USP4: variants seen among roughly 807,000 people sequenced by gnomAD.
USP4 encodes ubiquitin specific peptidase 4, also known as ubiquitin carboxyl-terminal hydrolase 4.
A neutral mutation model predicts 118.2 loss-of-function variants in USP4; 72 were observed. The observed-to-expected ratio is 0.61, with a 90% confidence interval of 0.50 to 0.74. The LOEUF is 0.74. USP4 is among the 30% of genes least tolerant of loss of function. USP4 has a pLI of 0.00. For missense variants in USP4, 1,037 were observed against 1,185.7 expected (o/e 0.87, Z 1.84); for synonymous variants, 415 against 440.4 (o/e 0.94, Z 0.72).
intron 6 of USP4, among the ~76,000 whole-genome samples, chr3:49,317,799 G>A (rs576620664): frequency 1.4e-4 from 21 of 149,964 alleles, no homozygotes; most frequent in Middle Eastern, 3.4e-3. Context: ...TGATCCGCCC[G>A]CCTCGGCCTC....
At chr3:49,278,666 G>A (rs1404001803) in intron 21 of USP4, 148 bp downstream of exon 21, 3 of 839,120 alleles carry the variant, frequency 3.6e-6, no homozygotes, top group Middle Eastern at 4.7e-4. Flanking sequence ...ATTTATGAAG[G>A]TCCCTGAAGG....
At chr3:49,279,487 A>T (rs560425054) in intron 20 of USP4, among the ~76,000 whole-genome samples, 1 of 152,274 alleles carries the variant, frequency 6.6e-6, no homozygotes, top group East Asian at 1.9e-4. Context: ...AGGAGTCCAG[A>T]GTCTGTGGTT....
chr3:49,294,257 G>A, intron 14 of USP4, 150 bp downstream of exon 14: 2 of 827,926 alleles, frequency 2.4e-6, no homozygotes, highest in South Asian at 1.8e-5. Context: ...AGTGCTGGGA[G>A]TACAGGCATG....
At chr3:49,305,520 A>T in intron 9 of USP4, among the ~76,000 whole-genome samples, 195 bp downstream of exon 9, 1 of 151,724 alleles carries the variant, frequency 6.6e-6, no homozygotes, top group Non-Finnish European at 1.5e-5. Flanking sequence ...AAGATCCATA[A>T]CCTAACACTG....
intron 15 of USP4, among the ~76,000 whole-genome samples, chr3:49,286,917 T>A (rs1204757348): frequency 6.6e-6 from 1 of 152,140 alleles, no homozygotes; most frequent in Non-Finnish European, 1.5e-5. Context: ...TGGCACGATC[T>A]CGGCTCACTG....
intron 11 of USP4, among the ~76,000 whole-genome samples, chr3:49,299,582 C>T (rs969931167): frequency 2.0e-5 from 3 of 151,304 alleles, no homozygotes; most frequent in Non-Finnish European, 1.5e-5. Context: ...TTAGTAGAGA[C>T]GGGGTTTCAC....
chr3:49,310,774 T>C (rs561424544), intron 7 of USP4, 37 bp from the exon 8 acceptor site: 2 of 1,513,738 alleles, frequency 1.3e-6, no homozygotes, highest in East Asian at 4.5e-5. Flanking sequence ...TAAAAGCAAG[T>C]GCATAACACA....
At chr3:49,335,641 T>C (rs751753569) in intron 1 of USP4, 45 bp from the exon 2 acceptor site, 4 of 1,609,456 alleles carry the variant, frequency 2.5e-6, no homozygotes, top group East Asian at 4.5e-5. Context: ...GCTGAGATTA[T>C]AAATTTCTGC....
chr3:49,294,413 C>T lies in USP4; in HGVS notation c.1877G>A (p.Arg626His), dbSNP rs200666714. ...TCACATTCCTGCCACCAACCTGATA[C>T]GATCACAAACAGCCTGGTACAAAGA... is the stretch of plus-strand genomic sequence containing the variant. Reference protein sequence around the residue: ...LESLYQAVCDRISRYVKQPLP... With the variant: ...LESLYQAVCDHISRYVKQPLP... Residue 626 changes from arginine (R) to histidine (H), a missense_variant, in exon 14 of 22, where the codon CGT becomes CAT. Arg to His is a conservative substitution (Grantham distance 29). Around this residue, in one of 3 missense-constraint regions of USP4, gnomAD observed 522 missense variants for 592.6 expected, o/e 0.88. Transcript: ENST00000265560. 22 of 1,611,138 alleles carry T rather than the reference C, an allele frequency of 1.4e-5. No homozygotes were observed. The highest frequency in any genetic ancestry group is 3.3e-5 in the South Asian group (3 of 90,770).
In USP4 at chr3:49,280,812, G is replaced by A; in HGVS notation, c.2576C>T (p.Ser859Leu). The A allele has an allele frequency of 6.2e-7, 1 of 1,614,152 alleles. No individual in the cohort carries two copies. Among genetic ancestry groups the A allele is most frequent in the Non-Finnish European group, 8.5e-7 (1 of 1,179,994 alleles). The stretch of plus-strand genomic sequence containing the variant: ...GAGGTCGTACACATAAGGCCTTGCT[G>A]ACAGGTTACAGACAAACTCGGACAT... ...LNMSEFVCNL[S>L]ARPYVYDLIA... Residue 859 changes from serine (S) to leucine (L), a missense_variant, in exon 20 of 22, where the codon TCA becomes TTA. By Grantham distance (145) the Ser-to-Leu change is moderately radical. Around this residue, in one of 3 missense-constraint regions of USP4, gnomAD observed 522 missense variants for 592.6 expected, o/e 0.88. Coordinates refer to ENST00000265560, the MANE Select transcript of USP4 (RefSeq NM_003363.4).
Position 49,284,067 on chromosome 3 carries a change from G to A in USP4, c.2460C>T (p.Ile820=), listed in dbSNP as rs1432750167. 3 of 1,614,264 alleles carry A rather than the reference G, an allele frequency of 1.9e-6. No individual in the cohort carries two copies. Among genetic ancestry groups the A allele is most frequent in the Middle Eastern group, 1.7e-4 (1 of 6,060 alleles). ...KKFDLWSLPK[I]LVVHLKRFSY... ...AGAAACGTTTGAGGTGGACCACCAG[G>A]ATCTTGGGCAAGGACCATAGGTCAA... Residue 820 remains isoleucine, a synonymous_variant, in exon 19 of 22, where the codon ATC becomes ATT. Transcript: ENST00000265560.
At chr3:49,290,954 G>A (rs550358997) in intron 15 of USP4, among the ~76,000 whole-genome samples, 1 of 152,136 alleles carries the variant, frequency 6.6e-6, no homozygotes, top group African/African-American at 2.4e-5. Flanking sequence ...ACTCCAGACT[G>A]GGTGATAATC....
intron 11 of USP4, 98 bp downstream of exon 11, chr3:49,300,369 G>A (rs999960546): frequency 1.8e-6 from 2 of 1,087,298 alleles, no homozygotes; most frequent in African/African-American, 1.6e-5. Flanking sequence ...AGTACCAAGG[G>A]GACTCAGAGG....
intron 2 of USP4, among the ~76,000 whole-genome samples, chr3:49,330,359 G>A (rs896737028): frequency 2.0e-5 from 3 of 150,642 alleles, no homozygotes; most frequent in African/African-American, 7.3e-5. Context: ...AGACAGTCTC[G>A]CTGTGTCCCC....
At chr3:49,299,687 C>CCCTCAACTTTCTTTAGAGACAAAGAA (rs1309949475) in intron 11 of USP4, among the ~76,000 whole-genome samples, 1 of 151,780 alleles carries the variant, frequency 6.6e-6, no homozygotes, top group Non-Finnish European at 1.5e-5. Context: ...CCACCGCGCC[C>CCCTCAACTTTCTTTAGAGACAAAGAA]GGCCCTCAAC....
intron 15 of USP4, among the ~76,000 whole-genome samples, chr3:49,288,782 C>T (rs914882526): frequency 1.3e-5 from 2 of 152,084 alleles, no homozygotes; most frequent in South Asian, 2.1e-4. Flanking sequence ...AGTCACAGGC[C>T]TAACAAGGAG....
Position 49,278,384 on chromosome 3 carries a change from C to A in USP4, c.2801G>T (p.Ser934Ile). ...DDEFYKTPSL[S>I]SSGSSDGGTR... ...CCCTCCATCAGAGGAACCAGAACTGCTAAGTGAAGGTGTCTTATAAAATTC... is the reference window on the plus strand; with the variant it reads ...CCCTCCATCAGAGGAACCAGAACTGATAAGTGAAGGTGTCTTATAAAATTC... Residue 934 changes from serine (S) to isoleucine (I), a missense_variant, in exon 22 of 22, where the codon AGC (serine) becomes ATC (isoleucine). By Grantham distance (142) the Ser-to-Ile change is moderately radical. Around this residue, in one of 3 missense-constraint regions of USP4, gnomAD observed 522 missense variants for 592.6 expected, o/e 0.88. Transcript: ENST00000265560. 1 of 1,614,110 alleles carries A rather than the reference C, an allele frequency of 6.2e-7. No individual in the cohort carries two copies. Among genetic ancestry groups the A allele is most frequent in the Non-Finnish European group, 8.5e-7 (1 of 1,180,024 alleles).
At chr3:49,335,114 A>C (rs925084687) in intron 2 of USP4, among the ~76,000 whole-genome samples, 4 of 152,252 alleles carry the variant, frequency 2.6e-5, no homozygotes, top group Non-Finnish European at 5.9e-5. Flanking sequence ...TCCACTGCAA[A>C]GGTAACAAAA....
chr3:49,294,598 C>T lies in USP4; in HGVS notation c.1692G>A (p.Val564=), dbSNP rs1309255415. The change falls in exon 14 of 22, where the codon GTG becomes GTA. Residue 564 remains valine (V), a splice_region_variant and synonymous_variant. Transcript: ENST00000265560. ...NHIMPRDDIF[V]YEVCSTSVDG... ...CCACGGAAGTGCTGCAGACCTCGTACCTGCGTCAATCACACAAGAGGGCAC... is the reference window on the plus strand; with the variant it reads ...CCACGGAAGTGCTGCAGACCTCGTATCTGCGTCAATCACACAAGAGGGCAC... 29 of 1,612,628 alleles carry T rather than the reference C, an allele frequency of 1.8e-5. No homozygotes were observed. Among genetic ancestry groups the T allele is most frequent in the Non-Finnish European group, 2.5e-5 (29 of 1,179,112 alleles).
Sources: allele counts gnomAD v4.1 joint callset (sites outside exome capture counted in the v4.1 genomes callset), GRCh38; gene constraint gnomAD v4.1.1; regional missense constraint gnomAD v4.1.1; transcripts MANE v1.5; gene names NCBI Gene and HGNC (gene_info 2026-07-23, HGNC 2026-07-21).